The following ATP8A1 variants were observed in gnomAD, a reference collection of about 807,000 sequenced individuals.
ATP8A1 encodes phospholipid-transporting ATPase IA.
ATP8A1 carries 90 observed loss-of-function variants against 177.7 expected under a neutral mutation model. That is an observed-to-expected ratio of 0.51 (90% CI 0.43 to 0.60). ATP8A1 has a LOEUF of 0.60. Ranked by LOEUF, ATP8A1 falls within the 20% of genes least tolerant of loss-of-function variation. The pLI is 0.00. For missense variants in ATP8A1, 1,072 were observed against 1,392.8 expected (o/e 0.77, Z 3.67); for synonymous variants, 493 against 485.9 (o/e 1.01, Z -0.19).
At chr4:42,418,392 T>G (rs1232365056) in intron 35 of ATP8A1, among the ~76,000 whole-genome samples, 1 of 152,178 alleles carries the variant, frequency 6.6e-6, no homozygotes, top group Non-Finnish European at 1.5e-5. Flanking sequence ...TCACACATAC[T>G]CCAATGATAT....
chr4:42,636,143 C>A lies in ATP8A1; in HGVS notation c.50-9034G>T, dbSNP rs1177805082. Among the ~76,000 whole-genome samples the A allele has an allele frequency of 6.5e-4, 27 of 41,456 alleles. 1 individual carries two copies. Among genetic ancestry groups the A allele is most frequent in the African/African-American group, 1.7e-3 (23 of 13,772 alleles). The allele number at this position is 41,456 out of a possible 152,430, so 27.2% of individuals were successfully genotyped here. A position where few individuals can be genotyped will look rare whatever the true frequency, so the allele number is the denominator to read the frequency against. On this transcript the variant is annotated intron_variant, in intron 1 of 36. Coordinates refer to ENST00000381668, the MANE Select transcript of ATP8A1 (RefSeq NM_006095.2). The stretch of plus-strand genomic sequence containing the variant: ...ATACACACACACACACACACACACA[C>A]ACACACACACACACGCACACACACA...
chr4:42,460,947 T>A (rs542328977), intron 27 of ATP8A1, among the ~76,000 whole-genome samples: 3 of 152,244 alleles, frequency 2.0e-5, no homozygotes, highest in Non-Finnish European at 4.4e-5. Context: ...GGCAACTTTT[T>A]AAAAAAAGGC....
intron 25 of ATP8A1, chr4:42,471,953 C>CT: frequency 1.5e-6 from 1 of 685,216 alleles, no homozygotes; most frequent in Non-Finnish European, 2.8e-6. Context: ...ATTACAGCAG[C>CT]CAAAGAGCCT....
chr4:42,539,420 A>G (rs1049843909), intron 20 of ATP8A1, among the ~76,000 whole-genome samples: 16 of 142,440 alleles, frequency 1.1e-4, no homozygotes, highest in African/African-American at 3.0e-4. Flanking sequence ...AAAACAAAAT[A>G]CCAATGCCAT....
intron 22 of ATP8A1, among the ~76,000 whole-genome samples, chr4:42,521,026 T>A (rs1056928741): frequency 6.6e-6 from 1 of 151,974 alleles, no homozygotes; most frequent in African/African-American, 2.4e-5. Context: ...GGGGAAATAG[T>A]CCAGGGAGGT....
intron 24 of ATP8A1, among the ~76,000 whole-genome samples, chr4:42,495,605 T>C (rs1365124557): frequency 1.9e-5 from 2 of 105,190 alleles, no homozygotes; most frequent in Admixed American, 1.0e-4. Flanking sequence ...TAAAAAATTG[T>C]ATTTATTGGT....
At chr4:42,534,286 G>A (rs1472376057) in intron 20 of ATP8A1, among the ~76,000 whole-genome samples, 3 of 152,106 alleles carry the variant, frequency 2.0e-5, no homozygotes, top group African/African-American at 4.8e-5. Flanking sequence ...TGCAGGATAT[G>A]ACTGGAAAAA....
At chr4:42,538,170 G>A (rs1458330332) in intron 20 of ATP8A1, among the ~76,000 whole-genome samples, 1 of 152,146 alleles carries the variant, frequency 6.6e-6, no homozygotes, top group Admixed American at 6.5e-5. Flanking sequence ...AGTGGGGAAA[G>A]GGCACCCTAT....
intron 15 of ATP8A1, among the ~76,000 whole-genome samples, chr4:42,564,101 C>T (rs1488583588): frequency 7.9e-5 from 12 of 152,012 alleles, no homozygotes; most frequent in African/African-American, 1.2e-4. Context: ...TCTGGGGTTG[C>T]GGGGCGGGGA....
chr4:42,639,374 A>C (rs1255350546), intron 1 of ATP8A1, among the ~76,000 whole-genome samples: 1 of 152,152 alleles, frequency 6.6e-6, no homozygotes, highest in Non-Finnish European at 1.5e-5. Context: ...GACACAAAGA[A>C]TTGATGAGAT....
intron 29 of ATP8A1, 107 bp from the exon 30 acceptor site, chr4:42,452,166 G>A (rs1455498088): frequency 7.0e-6 from 5 of 715,668 alleles, no homozygotes; most frequent in Admixed American, 2.4e-5. Context: ...TGTTTCTGTC[G>A]GGCCACCACT....
Position 42,509,745 on chromosome 4 carries a change from G to A in ATP8A1, c.1948-2591C>T, listed in dbSNP as rs556223525. Among the ~76,000 whole-genome samples the A allele has an allele frequency of 2.6e-3, 389 of 151,678 alleles. 2 individuals carry two copies. The highest frequency in any genetic ancestry group is 8.7e-3 in the African/African-American group (358 of 41,344). On this transcript the variant is annotated intron_variant, in intron 22 of 36. Transcript: ENST00000381668. ...CAGGCACCTGTAGTCCCAGCTACTC[G>A]GGAGGCTGAGGCAGGAGAATGGCAT...
chr4:42,452,187 AG>A, intron 29 of ATP8A1, 128 bp from the exon 30 acceptor site: 1 of 553,486 alleles, frequency 1.8e-6, no homozygotes, highest in East Asian at 3.1e-5. Context: ...GTGAATTAAT[AG>A]AACTGACAGA....
chr4:42,418,739 T>TA (rs1713526574), intron 35 of ATP8A1, among the ~76,000 whole-genome samples: 1 of 152,204 alleles, frequency 6.6e-6, no homozygotes, highest in Non-Finnish European at 1.5e-5. Context: ...AGAACATACT[T>TA]AGATTGATTA....
intron 22 of ATP8A1, among the ~76,000 whole-genome samples, chr4:42,512,681 A>T (rs1725127206): frequency 6.6e-6 from 1 of 152,168 alleles, no homozygotes; most frequent in African/African-American, 2.4e-5. Context: ...TTAATTAGCC[A>T]CCAGGCCAGA....
intron 1 of ATP8A1, among the ~76,000 whole-genome samples, chr4:42,651,450 T>C (rs1006052518): frequency 6.6e-6 from 1 of 152,172 alleles, no homozygotes; most frequent in Non-Finnish European, 1.5e-5. Flanking sequence ...ATGCTGATAA[T>C]GATACAATGA....
intron 20 of ATP8A1, among the ~76,000 whole-genome samples, chr4:42,528,170 G>A (rs1306025560): frequency 6.6e-6 from 1 of 152,024 alleles, no homozygotes; most frequent in Non-Finnish European, 1.5e-5. Context: ...CTCATCCTGT[G>A]GTCATTTCCC....
At chr4:42,440,146 T>C (rs1716460635) in intron 33 of ATP8A1, among the ~76,000 whole-genome samples, 1 of 152,170 alleles carries the variant, frequency 6.6e-6, no homozygotes, top group African/African-American at 2.4e-5. Context: ...ATCAATCCTA[T>C]TGGCTCTGCC....
chr4:42,494,674 C>CT (rs1303679134), intron 24 of ATP8A1, among the ~76,000 whole-genome samples: 2 of 152,184 alleles, frequency 1.3e-5, no homozygotes, highest in Non-Finnish European at 2.9e-5. Flanking sequence ...ATTTATATAA[C>CT]TAACCACTGA....
Sources: gnomAD v4.1 joint callset for allele counts (sites outside exome capture counted in the v4.1 genomes callset) on GRCh38, gnomAD v4.1.1 for gene constraint, MANE v1.5 for transcripts, NCBI Gene and HGNC (gene_info 2026-07-23, HGNC 2026-07-21) for gene names.